Variants in ADCY1 observed in about 807,000 individuals in gnomAD.
The protein encoded by ADCY1 is adenylate cyclase 1.
A neutral mutation model predicts 105.4 loss-of-function variants in ADCY1; 28 were observed. That is an observed-to-expected ratio of 0.27 (90% CI 0.20 to 0.36). The LOEUF is 0.36. Ranked by LOEUF, ADCY1 falls within the 10% of genes least tolerant of loss-of-function variation. The pLI, the probability that ADCY1 is intolerant of heterozygous loss-of-function variation, is 1.00. For synonymous variants in ADCY1, 655 were observed against 623.8 expected, an observed-to-expected ratio of 1.05 and a Z score of -0.75; for missense variants, 977 against 1,434.2, an observed-to-expected ratio of 0.68 and a Z score of 5.15.
chr7:45,698,914 C>T (rs917846116), intron 14 of ADCY1, among the ~76,000 whole-genome samples: 7 of 152,212 alleles, frequency 4.6e-5, no homozygotes. Context: ...GGCTCAGGTT[C>T]TGTGCTCACT....
rs1189707139 is a variant in ADCY1 at position 45,711,644 on chromosome 7, T to TATATATATATACAC, written c.3057+993_3057+994insTATATATATACACA. ...ATATATATATATATATATATATATA[T>TATATATATATACAC]ACACACACACACGTATGTATACACA... is the stretch of plus-strand genomic sequence containing the variant. On this transcript the variant is annotated intron_variant, in intron 19 of 19. Coordinates refer to ENST00000297323, the MANE Select transcript of ADCY1 (RefSeq NM_021116.4). 8.8e-3 allele frequency among the ~76,000 whole-genome samples: 448 copies of TATATATATATACAC among 50,836 alleles called. 2 individuals are homozygous for TATATATATATACAC. The highest frequency in any genetic ancestry group is 0.014 in the Non-Finnish European group (350 of 24,230). 33.4% of individuals were successfully genotyped at this position (50,836 alleles called of 152,430 possible). A position where few individuals can be genotyped will look rare whatever the true frequency, so the allele number is the denominator to read the frequency against.
chr7:45,622,308 C>T (rs1793922486), intron 3 of ADCY1, among the ~76,000 whole-genome samples: 1 of 152,112 alleles, frequency 6.6e-6, no homozygotes, highest in African/African-American at 2.4e-5. Context: ...CGTAACCTCC[C>T]CAAGAAGGGG....
chr7:45,662,235 TGCC>T lies in ADCY1; in HGVS notation c.1605+22_1605+24del, dbSNP rs1173415101. ...ACAAGGTAGGAGCAGCCAGGGAGCC[TGCC>T]ATGCTGGAGCTGCCAGGGACTGATC... is the stretch of plus-strand genomic sequence containing the variant. On this transcript the variant is annotated intron_variant, in intron 8 of 19. Transcript: ENST00000297323. 3 of 1,607,046 alleles carry T rather than the reference TGCC, an allele frequency of 1.9e-6. No individual in the cohort carries two copies. The African/African-American group carries it at 4.0e-5, about 21-fold the overall frequency.
intron 4 of ADCY1, among the ~76,000 whole-genome samples, chr7:45,627,372 G>A (rs2115951864): frequency 6.6e-6 from 1 of 152,298 alleles, no homozygotes; most frequent in South Asian, 2.1e-4. Context: ...TGGAACGGGT[G>A]CATCCTGTCC....
chr7:45,722,831 ACT>A lies in ADCY1; in HGVS notation c.*8838_*8839del, dbSNP rs1178776857. 3.9e-5 allele frequency: 6 copies of A among 152,562 alleles called. No individual in the cohort carries two copies. Among genetic ancestry groups the A allele is most frequent in the East Asian group, 1.9e-4 (1 of 5,178 alleles). The allele number at this position is 152,562 out of a possible 1,614,324, so 9.5% of individuals were successfully genotyped here. ...GATGAGTACATTCAGAATTACAATA[ACT>A]CACTCTCACTGGGTAACTTCTCATG... is the stretch of plus-strand genomic sequence containing the variant. On this transcript the variant is annotated 3_prime_UTR_variant, in exon 20 of 20. Transcript: ENST00000297323.
At chr7:45,590,569 A>G (rs981060304) in intron 1 of ADCY1, among the ~76,000 whole-genome samples, 1 of 152,032 alleles carries the variant, frequency 6.6e-6, no homozygotes, top group Non-Finnish European at 1.5e-5. Context: ...ACACCCTAAC[A>G]TGCTCTGCGT....
chr7:45,664,495 T>C, intron 8 of ADCY1: 2 of 1,431,292 alleles, frequency 1.4e-6, no homozygotes, highest in Non-Finnish European at 1.8e-6. Context: ...TCTCTCCTGA[T>C]CGTAAACATA....
At chr7:45,663,590 G>T (rs1355939216) in intron 8 of ADCY1, among the ~76,000 whole-genome samples, 2 of 152,230 alleles carry the variant, frequency 1.3e-5, no homozygotes, top group African/African-American at 4.8e-5. Context: ...GGAGGCCAAG[G>T]CAGGCGGATC....
At chr7:45,646,302 C>A (rs1794662359) in intron 4 of ADCY1, among the ~76,000 whole-genome samples, 1 of 152,192 alleles carries the variant, frequency 6.6e-6, no homozygotes, top group Admixed American at 6.5e-5. Flanking sequence ...AGGACAGAGA[C>A]TGGCGCTGGC....
In ADCY1 at chr7:45,694,217, G is replaced by A. The variant is rs1584337021; in HGVS notation, c.2454+7544G>A. On this transcript the variant is annotated intron_variant, in intron 14 of 19. Transcript: ENST00000297323. ...AACAGAATACGCATTCTATTCAAGA[G>A]CACATAAGTATGAACAGTACAGCAA... is the stretch of plus-strand genomic sequence containing the variant. 2.0e-5 allele frequency among the ~76,000 whole-genome samples: 3 copies of A among 151,074 alleles called. No individual in the cohort carries two copies. In the South Asian group the frequency reaches 6.3e-4, roughly 32 times the overall value.
At chr7:45,655,059 C>T (rs952772910) in intron 5 of ADCY1, among the ~76,000 whole-genome samples, 2 of 152,218 alleles carry the variant, frequency 1.3e-5, no homozygotes, top group African/African-American at 4.8e-5. Context: ...GTCCTCTCTT[C>T]TCTTTTTTTC....
chr7:45,649,284 G>C (rs1424320313), intron 5 of ADCY1, among the ~76,000 whole-genome samples: 1 of 152,208 alleles, frequency 6.6e-6, no homozygotes, highest in Non-Finnish European at 1.5e-5. Flanking sequence ...TATTACACCT[G>C]TGAGGCCAGG....
At chr7:45,651,943 A>G (rs1423539278) in intron 5 of ADCY1, among the ~76,000 whole-genome samples, 1 of 152,194 alleles carries the variant, frequency 6.6e-6, no homozygotes, top group East Asian at 1.9e-4. Flanking sequence ...TCACACTGCT[A>G]TAAAGAACTA....
intron 2 of ADCY1, among the ~76,000 whole-genome samples, chr7:45,606,955 G>A (rs1793390061): frequency 6.6e-6 from 1 of 150,532 alleles, no homozygotes. Context: ...TTTTGAGATT[G>A]GATGTGAATT....
At position 45,686,510 on chromosome 7, in the gene ADCY1, G is replaced by A. The variant is rs749242713; in HGVS notation, c.2328-37G>A. The A allele has an allele frequency of 5.0e-6, 8 of 1,585,230 alleles. No individual in the cohort carries two copies. Among genetic ancestry groups the A allele is most frequent in the African/African-American group, 1.3e-5 (1 of 74,642 alleles). On this transcript the variant is annotated intron_variant, in intron 13 of 19. Transcript: ENST00000297323. This position sits in a 1 kb window ranked among gnomAD's most constrained non-coding sequence, Gnocchi z 4.3. ...TGGCAGAGTCTTGCCCTGGAAGCTC[G>A]GCACTGACTTGGCTTTTCTTCCTCA...
chr7:45,574,252 C>G (rs1472067486), upstream of ADCY1: 1 of 617,562 alleles, frequency 1.6e-6, no homozygotes, highest in African/African-American at 2.0e-5. The surrounding 1 kb of genome is among the most constrained non-coding windows in gnomAD (Gnocchi z 7.0). Context: ...GGGGCGCGGG[C>G]TGTGCGCGCC....
intron 4 of ADCY1, among the ~76,000 whole-genome samples, chr7:45,624,827 C>A (rs182241826): frequency 1.3e-5 from 2 of 152,180 alleles, no homozygotes; most frequent in African/African-American, 2.4e-5. Flanking sequence ...CTTGGCCCCA[C>A]CTGGGCCTTT....
At chr7:45,592,143 T>G (rs1304206604) in intron 1 of ADCY1, among the ~76,000 whole-genome samples, 1 of 151,934 alleles carries the variant, frequency 6.6e-6, no homozygotes, top group Admixed American at 6.6e-5. Context: ...CACATATGTA[T>G]TCTCCAGGGG....
chr7:45,651,482 GGAGT>G (rs1422206700), intron 5 of ADCY1, among the ~76,000 whole-genome samples: 25 of 152,182 alleles, frequency 1.6e-4, no homozygotes, highest in Non-Finnish European at 2.9e-4. Flanking sequence ...ACCTTGGAGT[GGAGT>G]GTTTTATTTG....
Sources: allele counts gnomAD v4.1 joint callset (sites outside exome capture counted in the v4.1 genomes callset), GRCh38; gene constraint gnomAD v4.1.1; non-coding constraint Gnocchi (gnomAD v3.1); transcripts MANE v1.5; gene names NCBI Gene and HGNC (gene_info 2026-07-23, HGNC 2026-07-21).